The following CHGA variants were observed in gnomAD, a reference collection of about 807,000 sequenced individuals.
CHGA encodes the protein chromogranin-A.
In CHGA, 41 loss-of-function variants were observed where a neutral mutation model predicts 54.4. The ratio of observed to expected loss-of-function variants is 0.75; its 90% confidence interval spans 0.59 to 0.98. CHGA has a LOEUF of 0.98. CHGA is among the 50% of genes least tolerant of loss of function. The pLI is 0.00. For synonymous variants in CHGA, 249 were observed against 232.8 expected (o/e 1.07, Z -0.63); for missense variants, 576 against 582.3 (o/e 0.99, Z 0.11).
chr14:92,932,156 G>T lies in CHGA; in HGVS notation c.809-214G>T. On this transcript the variant is annotated intron_variant, in intron 6 of 7. Transcript: ENST00000216492. This position sits in a 1 kb window ranked among gnomAD's most constrained non-coding sequence, Gnocchi z 5.3. ...TCTCCAGCTGCCGGGCTTCTGGGGT[G>T]AGGATGAGGGGAAGAGGCAGGCTCC... 1.7e-6 allele frequency: 1 copy of T among 577,460 alleles called. No homozygotes were observed. The highest frequency in any genetic ancestry group is 2.9e-6 in the Non-Finnish European group (1 of 347,146). 35.8% of individuals were successfully genotyped at this position (577,460 alleles called of 1,614,324 possible). A position where few individuals can be genotyped will look rare whatever the true frequency, so the allele number is the denominator to read the frequency against.
rs752142973 is a variant in CHGA at position 92,929,817 on chromosome 14, T to C, written c.355+2T>C. On this transcript the variant is annotated splice_donor_variant, in intron 5 of 7. Coordinates refer to ENST00000216492, the MANE Select transcript of CHGA (RefSeq NM_001275.4). LOFTEE classifies it high-confidence loss of function. ...AGAGCAGCCAGGCCGAGCTGAAAGG[T>C]CTGTCCCAGCCGGTCTGGCCGGAGG... 1 of 1,610,148 alleles carries C rather than the reference T, an allele frequency of 6.2e-7. No individual in the cohort carries two copies. Among genetic ancestry groups the C allele is most frequent in the East Asian group, 2.2e-5 (1 of 44,864 alleles).
chr14:92,927,526 CATG>C (rs745403692), intron 3 of CHGA, 21 bp from the exon 4 acceptor site: 1 of 1,593,856 alleles, frequency 6.3e-7, no homozygotes, highest in Non-Finnish European at 8.6e-7. Context: ...GGAAACCACC[CATG>C]ATGACTCTTC....
chr14:92,927,020 C>A (rs1034497895), intron 3 of CHGA, among the ~76,000 whole-genome samples: 1 of 152,242 alleles, frequency 6.6e-6, no homozygotes, highest in South Asian at 2.1e-4. Flanking sequence ...ATCCCAGTGC[C>A]TAGAACAGCC....
At chr14:92,924,178 G>C in intron 1 of CHGA, 21 bp from the exon 2 acceptor site, 2 of 1,609,344 alleles carry the variant, frequency 1.2e-6, no homozygotes, top group Non-Finnish European at 1.7e-6. Context: ...AGTGACCCCA[G>C]CACTCTCTTC....
At chr14:92,934,632 CGA>C (rs1566676522) in intron 7 of CHGA, among the ~76,000 whole-genome samples, 167 bp from the exon 8 acceptor site, 2 of 152,282 alleles carry the variant, frequency 1.3e-5, no homozygotes, top group East Asian at 3.9e-4. Flanking sequence ...ATAATGATCC[CGA>C]GAGCAGTACA....
intron 2 of CHGA, 86 bp downstream of exon 2, chr14:92,924,331 G>T: frequency 1.5e-6 from 2 of 1,378,974 alleles, no homozygotes; most frequent in South Asian, 2.7e-5. Flanking sequence ...GAGTAAGTTC[G>T]GCATAAAGCC....
chr14:92,929,502 C>T (rs1472090939), intron 4 of CHGA, among the ~76,000 whole-genome samples: 2 of 152,206 alleles, frequency 1.3e-5, no homozygotes, highest in Admixed American at 6.5e-5. Context: ...CTGAGTCTGG[C>T]GAGGCAGGGT....
At position 92,926,691 on chromosome 14, in the gene CHGA, C is replaced by G. The variant is rs777595600; in HGVS notation, c.180C>G (p.Leu60=). ...MPVSQECFET[L]RGDERILSIL... is the part of the protein sequence containing the mutation. ...TCAGCCAGGAATGTTTTGAGACACT[C>G]CGAGGAGGTATGAGCTGGAGGCTAG... The change falls in exon 3 of 8, where the codon CTC becomes CTG. Residue 60 remains leucine (L), a synonymous_variant. Transcript: ENST00000216492. 3 of 1,613,910 alleles carry G rather than the reference C, an allele frequency of 1.9e-6. No homozygotes were observed. In the Admixed American group the frequency reaches 5.0e-5, roughly 27 times the overall value.
rs1356080354 is a variant in CHGA at position 92,932,546 on chromosome 14, G to A, written c.985G>A (p.Glu329Lys). 3 of 1,555,132 alleles carry A rather than the reference G, an allele frequency of 1.9e-6. No individual in the cohort carries two copies. Among genetic ancestry groups the A allele is most frequent in the South Asian group, 2.4e-5 (2 of 84,342 alleles). Reference sequence around the variant, plus strand: ...GAAGAGCGGAGAGCTGGAGCAGGAGGAGGAGCGGCTCTCCAAGGAGTGGGA... The same window carrying A: ...GAAGAGCGGAGAGCTGGAGCAGGAGAAGGAGCGGCTCTCCAAGGAGTGGGA... The part of the protein sequence containing the change: ...GGKSGELEQE[E>K]ERLSKEWEDS... The change falls in exon 7 of 8, where the codon GAG (glutamate) becomes AAG (lysine). Residue 329 changes from glutamate to lysine, a missense_variant. Transcript: ENST00000216492. The surrounding 1 kb of genome is among the most constrained non-coding windows in gnomAD (Gnocchi z 5.3).
At chr14:92,931,788 C>T in intron 6 of CHGA, 86 bp downstream of exon 6, 1 of 1,317,182 alleles carries the variant, frequency 7.6e-7, no homozygotes, top group Non-Finnish European at 1.0e-6. Flanking sequence ...CCTCATTCCA[C>T]CTTCATAACA....
rs1886817373 is a variant in CHGA, at chr14:92,923,219, C to G, written c.-141C>G. 3 of 663,958 alleles carry G rather than the reference C, an allele frequency of 4.5e-6. No individual in the cohort carries two copies. Among genetic ancestry groups the G allele is most frequent in the Non-Finnish European group, 6.3e-6 (3 of 479,022 alleles). 41.1% of individuals were successfully genotyped at this position (663,958 alleles called of 1,614,324 possible). ...GCTTGCGGGAGGATCGACCGACAGA[C>G]GGACGCACGCCGAGGCACTGCGCCC... On this transcript the variant is annotated 5_prime_UTR_variant, in exon 1 of 8. Transcript: ENST00000216492.
At position 92,929,721 on chromosome 14, in the gene CHGA, CAAG is replaced by C. The variant is rs1886956722; in HGVS notation, c.262_264del (p.Lys88del). ...TCCCTCCTTTTCTCATACCAGGCGCCAAGGAGAGGGCACATCAGCAGAAGAAAC... is the reference window on the plus strand; with the variant it reads ...TCCCTCCTTTTCTCATACCAGGCGCCGAGAGGGCACATCAGCAGAAGAAAC... On this transcript the variant is annotated inframe_deletion, in exon 5 of 8. Transcript: ENST00000216492. 6.2e-7 allele frequency: 1 copy of C among 1,613,916 alleles called. No homozygotes were observed. The highest frequency in any genetic ancestry group is 8.5e-7 in the Non-Finnish European group (1 of 1,179,964).
At chr14:92,934,065 C>T (rs1198230743) in intron 7 of CHGA, among the ~76,000 whole-genome samples, 2 of 152,188 alleles carry the variant, frequency 1.3e-5, no homozygotes, top group East Asian at 1.9e-4. Context: ...AGGATGCCCT[C>T]GGCAGCCTCA....
chr14:92,924,553 G>C (rs932157367), intron 2 of CHGA, among the ~76,000 whole-genome samples: 12 of 152,172 alleles, frequency 7.9e-5, no homozygotes, highest in African/African-American at 2.9e-4. Flanking sequence ...CTCCCCAGGG[G>C]CTGGTGGGGG....
intron 1 of CHGA, among the ~76,000 whole-genome samples, chr14:92,923,995 G>C (rs1463211030): frequency 6.6e-6 from 1 of 152,216 alleles, no homozygotes; most frequent in Non-Finnish European, 1.5e-5. Context: ...GGAGGGGGAG[G>C]ACCTCTCAGT....
intron 1 of CHGA, 150 bp from the exon 2 acceptor site, chr14:92,924,049 G>T: frequency 1.1e-6 from 1 of 873,660 alleles, no homozygotes; most frequent in Non-Finnish European, 1.8e-6. Flanking sequence ...AACCAGGGAA[G>T]GGAAACAAAA....
upstream of CHGA, chr14:92,923,128 G>A (rs1886814671): frequency 3.0e-6 from 1 of 334,562 alleles, no homozygotes; most frequent in Non-Finnish European, 5.4e-6. Context: ...GTATATAAGC[G>A]GGGCGCGAGG....
intron 2 of CHGA, chr14:92,926,233 C>G (rs927251867): frequency 2.1e-5 from 5 of 241,902 alleles, no homozygotes; most frequent in Non-Finnish European, 4.1e-5. Context: ...GATCAGAGCA[C>G]TTTTGTAAGA....
At chr14:92,933,610 G>C (rs1887057974) in intron 7 of CHGA, among the ~76,000 whole-genome samples, 1 of 152,138 alleles carries the variant, frequency 6.6e-6, no homozygotes, top group African/African-American at 2.4e-5. Flanking sequence ...TGGGAAGGCT[G>C]ACACCTGTCC....
Sources: gnomAD v4.1 joint callset for allele counts (sites outside exome capture counted in the v4.1 genomes callset) on GRCh38, gnomAD v4.1.1 for gene constraint, Gnocchi (gnomAD v3.1) non-coding constraint, MANE v1.5 for transcripts, NCBI Gene and HGNC (gene_info 2026-07-23, HGNC 2026-07-21) for gene names.